PLCXD2: variants seen among roughly 807,000 people sequenced by gnomAD.
The protein encoded by PLCXD2 is PI-PLC X domain-containing protein 2.
In PLCXD2, 21 loss-of-function variants were observed where a neutral mutation model predicts 28.6. The ratio of observed to expected loss-of-function variants is 0.73; its 90% CI spans 0.52 to 1.06. The LOEUF (loss-of-function observed/expected upper bound fraction) is 1.06. Among genes scored for constraint, PLCXD2 ranks in the 50% least tolerant of loss-of-function variants. PLCXD2 has a pLI of 0.00. For missense variants in PLCXD2, 369 were observed against 376.7 expected (o/e 0.98, Z 0.17); for synonymous variants, 140 against 150.1 (o/e 0.93, Z 0.49).
At chr3:111,726,371 G>T (rs183688726) in intron 3 of PLCXD2, 9 of 152,458 alleles carry the variant, frequency 5.9e-5, no homozygotes, top group Non-Finnish European at 7.3e-5. Flanking sequence ...TTCTTTGTGT[G>T]TATATGCCAA....
chr3:111,688,069 C>T (rs1024109279), intron 1 of PLCXD2, among the ~76,000 whole-genome samples: 2 of 152,166 alleles, frequency 1.3e-5, no homozygotes, highest in Non-Finnish European at 2.9e-5. Flanking sequence ...CTCAAATCCT[C>T]GCTACTATTA....
intron 3 of PLCXD2, among the ~76,000 whole-genome samples, chr3:111,718,488 AGAT>A (rs1223234330): frequency 6.1e-4 from 87 of 141,660 alleles, no homozygotes; most frequent in African/African-American, 2.3e-3. Flanking sequence ...GATGATGGAT[AGAT>A]GATAGATAGA....
chr3:111,679,515 T>A (rs1026860435), intron 1 of PLCXD2, among the ~76,000 whole-genome samples: 2 of 152,182 alleles, frequency 1.3e-5, no homozygotes, highest in African/African-American at 4.8e-5. Context: ...CAGTCATTGG[T>A]GACAGTTGAG....
At position 111,675,348 on chromosome 3, in the gene PLCXD2, T is replaced by G. The variant is rs1407425391; in HGVS notation, c.103T>G (p.Trp35Gly). The G allele has an allele frequency of 1.9e-6, 3 of 1,614,196 alleles. No individual in the cohort carries two copies. Among genetic ancestry groups the G allele is most frequent in the Non-Finnish European group, 2.5e-6 (3 of 1,180,020 alleles). ...ATCATCGGAGGTCTGCAATGCCGAC[T>G]GGATGGCCTCGCTCCCCCCTCACCT... is the stretch of plus-strand genomic sequence containing the variant. Residue 35 changes from tryptophan (W) to glycine (G), a missense_variant, in exon 1 of 5, where the codon TGG becomes GGG. Physicochemically the swap from Trp to Gly is radical, Grantham distance 184. Coordinates refer to ENST00000477665, the MANE Select transcript of PLCXD2 (RefSeq NM_001185106.1).
At chr3:111,706,064 G>T (rs888270689) in intron 1 of PLCXD2, among the ~76,000 whole-genome samples, 1 of 152,074 alleles carries the variant, frequency 6.6e-6, no homozygotes, top group African/African-American at 2.4e-5. Context: ...CACACATGTT[G>T]CCTAGGCTGG....
intron 1 of PLCXD2, among the ~76,000 whole-genome samples, chr3:111,679,136 A>T (rs1225930273): frequency 1.3e-5 from 2 of 152,230 alleles, no homozygotes; most frequent in Admixed American, 1.3e-4. Flanking sequence ...AACATGTTAC[A>T]GAAGCACACA....
intron 1 of PLCXD2, among the ~76,000 whole-genome samples, chr3:111,686,242 A>C (rs975799458): frequency 2.0e-5 from 3 of 152,202 alleles, no homozygotes; most frequent in African/African-American, 7.2e-5. Context: ...GGGGTAGACC[A>C]AGACAGACTT....
At chr3:111,677,980 C>T (rs371167687) in intron 1 of PLCXD2, among the ~76,000 whole-genome samples, 5 of 152,124 alleles carry the variant, frequency 3.3e-5, no homozygotes, top group Admixed American at 1.3e-4. Context: ...CTGTTGTGTG[C>T]GTGTGCGCCC....
chr3:111,697,160 C>G (rs1295527130), intron 1 of PLCXD2, among the ~76,000 whole-genome samples: 1 of 152,112 alleles, frequency 6.6e-6, no homozygotes, highest in Non-Finnish European at 1.5e-5. Context: ...GAATTCACTA[C>G]TTAAATAAAA....
intron 1 of PLCXD2, among the ~76,000 whole-genome samples, chr3:111,695,075 T>G (rs1940942309): frequency 6.7e-6 from 1 of 150,128 alleles, no homozygotes; most frequent in Non-Finnish European, 1.5e-5. Context: ...TTGAATTTCT[T>G]AAAAATCATA....
chr3:111,698,036 A>C (rs1940987231), intron 1 of PLCXD2, among the ~76,000 whole-genome samples: 1 of 152,196 alleles, frequency 6.6e-6, no homozygotes, highest in African/African-American at 2.4e-5. Flanking sequence ...CCTAAATGTT[A>C]ATTGCCATGA....
At chr3:111,709,949 G>C (rs1941177352) in intron 2 of PLCXD2, among the ~76,000 whole-genome samples, 1 of 152,184 alleles carries the variant, frequency 6.6e-6, no homozygotes, top group South Asian at 2.1e-4. Flanking sequence ...CAGGGGGATT[G>C]GGCAGAAGTA....
chr3:111,700,331 G>A (rs1941023524), intron 1 of PLCXD2, among the ~76,000 whole-genome samples: 1 of 152,176 alleles, frequency 6.6e-6, no homozygotes, highest in Admixed American at 6.5e-5. Flanking sequence ...AGAAACAGGG[G>A]TAGTAATTGT....
chr3:111,722,329 C>T (rs1054870882), intron 3 of PLCXD2: 6 of 152,108 alleles, frequency 3.9e-5, no homozygotes, highest in South Asian at 4.1e-4. Flanking sequence ...AACAGGACCA[C>T]GCATCTCAGG....
intron 1 of PLCXD2, chr3:111,692,434 T>C (rs1940902121): frequency 6.6e-6 from 1 of 152,182 alleles, no homozygotes; most frequent in Admixed American, 6.5e-5. Context: ...GTACTGAATA[T>C]GTGATTCCTG....
intron 3 of PLCXD2, chr3:111,720,868 C>G (rs967306908): frequency 4.3e-5 from 18 of 416,694 alleles, no homozygotes; most frequent in Non-Finnish European, 7.5e-5. Context: ...GGACACAGCT[C>G]TGGCTAAATG....
chr3:111,697,313 T>C (rs2107852326), intron 1 of PLCXD2, among the ~76,000 whole-genome samples: 1 of 152,206 alleles, frequency 6.6e-6, no homozygotes, highest in East Asian at 1.9e-4. Context: ...TACCACATTA[T>C]TGAGTGAGAA....
intron 3 of PLCXD2, among the ~76,000 whole-genome samples, chr3:111,717,218 C>A (rs1442399221): frequency 2.0e-5 from 3 of 151,930 alleles, no homozygotes; most frequent in Non-Finnish European, 2.9e-5. Flanking sequence ...CAGATTGTAG[C>A]CTTAACATGA....
intron 1 of PLCXD2, among the ~76,000 whole-genome samples, chr3:111,706,403 G>T (rs1941118790): frequency 6.6e-6 from 1 of 152,012 alleles, no homozygotes; most frequent in South Asian, 2.1e-4. Context: ...TTTAGTTTTT[G>T]TTGCCTATGT....
Sources: gnomAD v4.1 joint callset for allele counts (sites outside exome capture counted in the v4.1 genomes callset) on GRCh38, gnomAD v4.1.1 for gene constraint, MANE v1.5 for transcripts, NCBI Gene and HGNC (gene_info 2026-07-23, HGNC 2026-07-21) for gene names.